EPS15: variants seen among roughly 807,000 people sequenced by gnomAD.
EPS15 encodes epidermal growth factor receptor substrate 15.
EPS15 carries 72 observed loss-of-function variants against 113.8 expected under a neutral mutation model. The observed-to-expected ratio is 0.63, with a 90% CI of 0.52 to 0.77. The LOEUF is 0.77. Ranked by LOEUF, EPS15 falls within the 30% of genes least tolerant of loss-of-function variation. The pLI, the probability that EPS15 is intolerant of heterozygous loss-of-function variation, is 0.00. For synonymous variants in EPS15, 344 were observed against 363.4 expected (o/e 0.95, Z 0.61); for missense variants, 1,048 against 1,045.8 (o/e 1.00, Z -0.03).
chr1:51,383,399 G>C (rs2148384972), intron 21 of EPS15, among the ~76,000 whole-genome samples: 1 of 152,300 alleles, frequency 6.6e-6, no homozygotes, highest in East Asian at 1.9e-4. Flanking sequence ...TGGCACCAGG[G>C]ACCGGTTTTG....
intron 21 of EPS15, among the ~76,000 whole-genome samples, chr1:51,370,535 A>G (rs1646621854): frequency 6.6e-6 from 1 of 152,090 alleles, no homozygotes; most frequent in African/African-American, 2.4e-5. Context: ...GTATTTGATA[A>G]TAATAATAAA....
Position 51,402,347 on chromosome 1 carries a change from A to G in EPS15, c.1882+88T>C, listed in dbSNP as rs1329020614. Reference sequence around the variant, plus strand: ...GGGCGACAGACTGAGTTGGTAGGCTATTGAAACTGAAGCCTTGAATCCTTA... The same window carrying G: ...GGGCGACAGACTGAGTTGGTAGGCTGTTGAAACTGAAGCCTTGAATCCTTA... On this transcript the variant is annotated intron_variant, in intron 18 of 24. Transcript: ENST00000371733. 9 of 645,734 alleles carry G rather than the reference A, an allele frequency of 1.4e-5. No homozygotes were observed. The East Asian group carries it at 3.0e-4, about 21-fold the overall frequency. The allele number at this position is 645,734 out of a possible 1,614,324, so 40.0% of individuals were successfully genotyped here.
At chr1:51,430,191 A>T (rs1268600860) in intron 12 of EPS15, among the ~76,000 whole-genome samples, 1 of 152,198 alleles carries the variant, frequency 6.6e-6, no homozygotes, top group African/African-American at 2.4e-5. Context: ...GCTAGATTAC[A>T]GTAATAACTA....
At chr1:51,444,800 T>C in intron 11 of EPS15, 89 bp downstream of exon 11, 1 of 1,296,240 alleles carries the variant, frequency 7.7e-7, no homozygotes, top group Non-Finnish European at 1.1e-6. Context: ...ACATTTTCTC[T>C]TCTATTTCAT....
chr1:51,458,011 T>C (rs1190946600), intron 8 of EPS15: 1 of 152,076 alleles, frequency 6.6e-6, no homozygotes, highest in African/African-American at 2.4e-5. Context: ...AGGTAAAGCA[T>C]TAAAATACAG....
At position 51,428,775 on chromosome 1, in the gene EPS15, C is replaced by T. The variant is rs147955396; in HGVS notation, c.1041-6917G>A. On this transcript the variant is annotated intron_variant, in intron 12 of 24. Coordinates refer to ENST00000371733, the MANE Select transcript of EPS15 (RefSeq NM_001981.3). ...CCAGGAGGCAGAGGTTGCAGTGAGC[C>T]GAGATTGCACTGCTGCACTCCAGCT... Among the ~76,000 whole-genome samples, 549 of 139,636 alleles carry T rather than the reference C, an allele frequency of 3.9e-3. 6 individuals are homozygous for T. The highest frequency in any genetic ancestry group is 0.014 in the African/African-American group (530 of 36,760). 91.6% of individuals were successfully genotyped at this position (139,636 alleles called of 152,430 possible). A position where few individuals can be genotyped will look rare whatever the true frequency, so the allele number is the denominator to read the frequency against.
intron 21 of EPS15, among the ~76,000 whole-genome samples, chr1:51,391,829 A>C (rs1647396632): frequency 6.6e-6 from 1 of 152,228 alleles, no homozygotes; most frequent in Non-Finnish European, 1.5e-5. Flanking sequence ...TGAACCATGA[A>C]GATGTCGAAG....
At chr1:51,422,545 G>GGCTC (rs1466776019) in intron 12 of EPS15, among the ~76,000 whole-genome samples, 2 of 152,106 alleles carry the variant, frequency 1.3e-5, no homozygotes, top group Non-Finnish European at 2.9e-5. Context: ...AAACATGCTG[G>GGCTC]GCTCCGCTTT....
intron 24 of EPS15, among the ~76,000 whole-genome samples, chr1:51,358,699 G>GTTTTTTTTTTTTTTTT (rs1181151202): frequency 3.9e-5 from 5 of 129,340 alleles, no homozygotes; most frequent in African/African-American, 1.5e-4. Context: ...AACCAGATTT[G>GTTTTTTTTTTTTTTTT]TTTTTTTTTG....
Position 51,360,506 on chromosome 1 carries a change from C to T in EPS15, c.2544+665G>A, listed in dbSNP as rs142988917. On this transcript the variant is annotated intron_variant, in intron 24 of 24. Transcript: ENST00000371733. ...CATGGCACCCTTCCACTGTTTCTAACGATCTTCCTATTTTAGACATCTCTG... is the reference window on the plus strand; with the variant it reads ...CATGGCACCCTTCCACTGTTTCTAATGATCTTCCTATTTTAGACATCTCTG... Among the ~76,000 whole-genome samples, 557 of 152,226 alleles carry T rather than the reference C, an allele frequency of 3.7e-3. 3 individuals carry two copies. The highest frequency in any genetic ancestry group is 0.012 in the African/African-American group (512 of 41,540).
chr1:51,501,074 A>G (rs2148550728), intron 1 of EPS15, among the ~76,000 whole-genome samples: 1 of 152,276 alleles, frequency 6.6e-6, no homozygotes, highest in Admixed American at 6.5e-5. Flanking sequence ...AAAACGTACT[A>G]TAAATAGTCT....
chr1:51,392,786 C>T (rs74080571), intron 21 of EPS15, among the ~76,000 whole-genome samples: 8,857 of 152,250 alleles, frequency 0.058, 819 homozygotes, highest in African/African-American at 0.2. Context: ...AACGTGATCT[C>T]CCCTTCCTTT....
At chr1:51,455,177 A>G in intron 8 of EPS15, among the ~76,000 whole-genome samples, 1 of 152,360 alleles carries the variant, frequency 6.6e-6, no homozygotes, top group Non-Finnish European at 1.5e-5. Flanking sequence ...ATAGGACTAT[A>G]CACTTGCAGA....
intron 10 of EPS15, 73 bp downstream of exon 10, chr1:51,446,887 A>G (rs1653100150): frequency 7.7e-7 from 1 of 1,306,018 alleles, no homozygotes; most frequent in South Asian, 1.4e-5. Context: ...ACAAATGACT[A>G]AAAATCAAAA....
chr1:51,369,787 T>A (rs543768120), intron 21 of EPS15, among the ~76,000 whole-genome samples: 53 of 152,332 alleles, frequency 3.5e-4, no homozygotes, highest in African/African-American at 1.2e-3. Context: ...TATTTGTTCA[T>A]TGCCTATCTT....
chr1:51,399,342 G>C (rs1460860562), intron 19 of EPS15, among the ~76,000 whole-genome samples, 177 bp from the exon 20 acceptor site: 1 of 151,922 alleles, frequency 6.6e-6, no homozygotes. Flanking sequence ...CTTGAGGTCA[G>C]GAGTTCAAGA....
chr1:51,510,055 G>T (rs1373339906), intron 1 of EPS15, among the ~76,000 whole-genome samples: 1 of 152,166 alleles, frequency 6.6e-6, no homozygotes, highest in Non-Finnish European at 1.5e-5. Context: ...GTAAAACAGG[G>T]ATATAAGGAT....
chr1:51,362,805 TA>T lies in EPS15; in HGVS notation c.2359+1060del, dbSNP rs934618557. 6.8e-3 allele frequency among the ~76,000 whole-genome samples: 1,036 copies of T among 151,476 alleles called. 11 individuals carry two copies. The highest frequency in any genetic ancestry group is 0.023 in the African/African-American group (954 of 41,330). ...ATTTCCCAAGGAATGAGGTATGATT[TA>T]AAAAAAAATATACTAAGATGTGTCT... On this transcript the variant is annotated intron_variant, in intron 23 of 24. Transcript: ENST00000371733.
At chr1:51,429,215 C>A (rs1457377031) in intron 12 of EPS15, among the ~76,000 whole-genome samples, 2 of 152,006 alleles carry the variant, frequency 1.3e-5, no homozygotes, top group Non-Finnish European at 2.9e-5. Flanking sequence ...ATATCAATTC[C>A]AATTAGATTA....
Sources: allele counts gnomAD v4.1 joint callset (sites outside exome capture counted in the v4.1 genomes callset), GRCh38; gene constraint gnomAD v4.1.1; transcripts MANE v1.5; gene names NCBI Gene and HGNC (gene_info 2026-07-23, HGNC 2026-07-21).